The following CLASP1 variants were observed in gnomAD, a reference collection of about 807,000 sequenced individuals.
CLASP1 encodes CLIP-associating protein 1.
A neutral mutation model predicts 192.3 loss-of-function variants in CLASP1; 38 were observed. That is an observed-to-expected ratio of 0.20 (90% CI 0.15 to 0.26). CLASP1 has a LOEUF of 0.26. Ranked by LOEUF, CLASP1 falls within the 10% of genes least tolerant of loss-of-function variation. The pLI, the probability that CLASP1 is intolerant of heterozygous loss-of-function variation, is 1.00. For synonymous variants in CLASP1, 691 were observed against 712.8 expected (o/e 0.97, Z 0.49); for missense variants, 1,433 against 1,932.5 (o/e 0.74, Z 4.85).
intron 23 of CLASP1, among the ~76,000 whole-genome samples, chr2:121,411,533 A>C (rs2077706695): frequency 2.6e-5 from 4 of 152,034 alleles, no homozygotes; most frequent in Admixed American, 2.6e-4. Flanking sequence ...CAATTTATTA[A>C]AATTATTTAA....
chr2:121,594,279 G>C (rs1388044002), intron 2 of CLASP1, among the ~76,000 whole-genome samples: 1 of 147,526 alleles, frequency 6.8e-6, no homozygotes. Context: ...CAGCCTGGGC[G>C]ACAGAGGGAG....
At chr2:121,501,077 A>G (rs1267352944) in intron 8 of CLASP1, among the ~76,000 whole-genome samples, 1 of 151,948 alleles carries the variant, frequency 6.6e-6, no homozygotes, top group African/African-American at 2.4e-5. Context: ...ATATGTACAC[A>G]CTCTTTTAGG....
intron 37 of CLASP1, among the ~76,000 whole-genome samples, chr2:121,361,413 AAGTT>A (rs1161036021): frequency 6.6e-6 from 1 of 152,226 alleles, no homozygotes; most frequent in Non-Finnish European, 1.5e-5. Flanking sequence ...TGGTTTAAAA[AAGTT>A]AGCACATGCC....
intron 2 of CLASP1, among the ~76,000 whole-genome samples, chr2:121,577,372 C>T (rs1486935024): frequency 2.6e-5 from 4 of 152,032 alleles, no homozygotes; most frequent in African/African-American, 9.7e-5. Context: ...GATCATAACA[C>T]ATAAAAAGGA....
chr2:121,610,923 G>C (rs1648192419), intron 1 of CLASP1, among the ~76,000 whole-genome samples: 1 of 140,822 alleles, frequency 7.1e-6, no homozygotes, highest in Non-Finnish European at 1.6e-5. Flanking sequence ...AACTGGAGGA[G>C]GAGGAGGAGT....
intron 2 of CLASP1, among the ~76,000 whole-genome samples, chr2:121,577,108 G>T (rs1056811479): frequency 6.6e-6 from 1 of 152,206 alleles, no homozygotes; most frequent in Non-Finnish European, 1.5e-5. Flanking sequence ...AGGGGACTGG[G>T]GGGCAGCAGA....
At chr2:121,574,271 T>C (rs1412560642) in intron 2 of CLASP1, among the ~76,000 whole-genome samples, 2 of 149,336 alleles carry the variant, frequency 1.3e-5, no homozygotes, top group African/African-American at 5.0e-5. Flanking sequence ...GAGCTTGCAG[T>C]GAGCTGAGAT....
chr2:121,484,156 T>A (rs2092812902), intron 8 of CLASP1, among the ~76,000 whole-genome samples: 1 of 152,220 alleles, frequency 6.6e-6, no homozygotes, highest in African/African-American at 2.4e-5. Flanking sequence ...TTAAAGAGAT[T>A]TTTGTAAATT....
At chr2:121,411,539 T>C (rs1162005654) in intron 23 of CLASP1, among the ~76,000 whole-genome samples, 1 of 151,872 alleles carries the variant, frequency 6.6e-6, no homozygotes, top group Non-Finnish European at 1.5e-5. Context: ...ATTAAAATTA[T>C]TTAATAATCA....
intron 33 of CLASP1, among the ~76,000 whole-genome samples, chr2:121,378,158 T>TA (rs2070721850): frequency 6.6e-6 from 1 of 152,022 alleles, no homozygotes; most frequent in Admixed American, 6.6e-5. Flanking sequence ...AAAACCCTAT[T>TA]AAAACAAAAC....
chr2:121,500,814 G>A (rs375049938), intron 8 of CLASP1, among the ~76,000 whole-genome samples: 2 of 151,946 alleles, frequency 1.3e-5, no homozygotes, highest in African/African-American at 2.4e-5. Context: ...TGAAATTATC[G>A]GCCTCCAAGA....
At chr2:121,432,937 A>G (rs2081677519) in intron 19 of CLASP1, among the ~76,000 whole-genome samples, 1 of 152,176 alleles carries the variant, frequency 6.6e-6, no homozygotes, top group South Asian at 2.1e-4. Context: ...TATAATGCAA[A>G]ATAGAAGCAG....
intron 8 of CLASP1, among the ~76,000 whole-genome samples, chr2:121,500,400 A>AAAGAAAGAAAG (rs1559450292): frequency 5.9e-5 from 8 of 135,596 alleles, no homozygotes; most frequent in African/African-American, 1.9e-4. Context: ...AAGAAAGAAA[A>AAAGAAAGAAAG]GAAAGAAAGA....
intron 2 of CLASP1, chr2:121,531,061 A>G (rs184939100): frequency 1.5e-4 from 107 of 694,280 alleles, no homozygotes; most frequent in African/African-American, 1.2e-3. Flanking sequence ...ATTCGTAAAT[A>G]AACTAGTACT....
chr2:121,388,177 G>A (rs2073675615), intron 30 of CLASP1: 1 of 286,346 alleles, frequency 3.5e-6, no homozygotes, highest in African/African-American at 2.2e-5. Flanking sequence ...TTCTCTTGTT[G>A]TCTGGTACTA....
At chr2:121,363,388 C>A (rs757188292) in intron 36 of CLASP1, 88 bp from the exon 38 acceptor site, 1 of 1,538,416 alleles carries the variant, frequency 6.5e-7, no homozygotes, top group Non-Finnish European at 8.8e-7. Context: ...AGGCCAAGCA[C>A]CCAGTTCTGG....
chr2:121,486,303 G>A (rs1363477372), intron 8 of CLASP1, among the ~76,000 whole-genome samples: 6 of 152,136 alleles, frequency 3.9e-5, no homozygotes, highest in African/African-American at 1.2e-4. Context: ...CATGGCAAAG[G>A]GGAAAGTTTT....
chr2:121,358,901 A>T (rs1478663683), intron 37 of CLASP1, among the ~76,000 whole-genome samples: 1 of 152,260 alleles, frequency 6.6e-6, no homozygotes, highest in Non-Finnish European at 1.5e-5. Flanking sequence ...GACATGAATG[A>T]TGCTAATATT....
chr2:121,404,581 C>T lies in CLASP1; in HGVS notation c.2670-147G>A, dbSNP rs1412914677. The T allele has an allele frequency of 4.1e-6, 3 of 735,176 alleles. No individual in the cohort carries two copies. The African/African-American group carries it at 5.3e-5, about 13-fold the overall frequency. The allele number at this position is 735,176 out of a possible 1,614,324, so 45.5% of individuals were successfully genotyped here. On this transcript the variant is annotated intron_variant, in intron 25 of 39. Transcript: ENST00000263710. ...TCCCAAGCTCAAGTGATCCTCCCAC[C>T]TCAGCCTCCCGAGTAGCTGGGAGGT...
Sources: gnomAD v4.1 joint callset for allele counts (sites outside exome capture counted in the v4.1 genomes callset) on GRCh38, gnomAD v4.1.1 for gene constraint, MANE v1.5 for transcripts, NCBI Gene and HGNC (gene_info 2026-07-23, HGNC 2026-07-21) for gene names.